Variants in FXR2 observed in about 807,000 individuals in gnomAD.
FXR2 encodes FMR1 autosomal homolog 2.
A neutral mutation model predicts 87.3 loss-of-function variants in FXR2; 9 were observed. That is an observed-to-expected ratio of 0.10 (90% CI 0.06 to 0.18). FXR2 has a LOEUF of 0.18. Among genes scored for constraint, FXR2 ranks in the 10% least tolerant of loss-of-function variants. The pLI is 1.00. For synonymous variants in FXR2, 331 were observed against 328.3 expected, an observed-to-expected ratio of 1.01 and a Z score of -0.09; for missense variants, 661 against 893.6, an observed-to-expected ratio of 0.74 and a Z score of 3.32.
chr17:7,603,056 T>C lies in FXR2; in HGVS notation c.450-54A>G, dbSNP rs2071772152. The C allele has an allele frequency of 8.0e-6, 7 of 870,548 alleles. 1 individual carries two copies. The South Asian group carries it at 8.6e-5, about 11-fold the overall frequency. The allele number at this position is 870,548 out of a possible 1,614,324, so 53.9% of individuals were successfully genotyped here. ...AGAATGCAGAGAGTACAGTGAAGAG[T>C]TCGGGGGAGGCTGGACATGGTGGTT... On this transcript the variant is annotated intron_variant, in intron 5 of 16. Transcript: ENST00000250113.
rs1219267566 is a variant in FXR2 at position 7,594,855 on chromosome 17, A to G, written c.832-98T>C. ...CCCAGCACTTTGGGAGGCTGGAGGC[A>G]GGTGGATAAATTGAGCTCAAGAGTT... On this transcript the variant is annotated intron_variant, in intron 8 of 16. Coordinates refer to ENST00000250113, the MANE Select transcript of FXR2 (RefSeq NM_004860.4). The surrounding 1 kb of genome is among the most constrained non-coding windows in gnomAD (Gnocchi z 5.1). 3 of 776,310 alleles carry G rather than the reference A, an allele frequency of 3.9e-6. No individual in the cohort carries two copies. The highest frequency in any genetic ancestry group is 7.0e-6 in the Non-Finnish European group (3 of 430,530). 48.1% of individuals were successfully genotyped at this position (776,310 alleles called of 1,614,324 possible). A position where few individuals can be genotyped will look rare whatever the true frequency, so the allele number is the denominator to read the frequency against.
At position 7,604,010 on chromosome 17, in the gene FXR2, T is replaced by A. The variant is rs746075298; in HGVS notation, c.299A>T (p.Asp100Val). The change falls in exon 4 of 17, where the codon GAT becomes GTT. Residue 100 changes from aspartate (D) to valine (V), a missense_variant and splice_region_variant. This residue lies in a region of FXR2 where 170 missense variants were observed against 247.2 expected (regional missense o/e 0.69). Transcript: ENST00000250113. ...CCAAAGGCATTCCCAGTCACTCACA[T>A]CTCCCTTCATCATCCGCACCCGGGC... ...WLARVRMMKG[D>V]FYVIEYAACD... is the part of the protein sequence containing the mutation. 6.3e-7 allele frequency: 1 copy of A among 1,592,958 alleles called. No individual in the cohort carries two copies. Among genetic ancestry groups the A allele is most frequent in the Non-Finnish European group, 8.5e-7 (1 of 1,170,520 alleles).
rs764414701 is a variant in FXR2 at position 7,595,863 on chromosome 17, C to A, written c.792G>T (p.Glu264Asp). Residue 264 changes from glutamate to aspartate, a missense_variant, in exon 8 of 17, where the codon GAG (glutamate) becomes GAT (aspartate). Physicochemically the swap from Glu to Asp is conservative, Grantham distance 45. Coordinates refer to ENST00000250113, the MANE Select transcript of FXR2 (RefSeq NM_004860.4). This position sits in a 1 kb window ranked among gnomAD's most constrained non-coding sequence, Gnocchi z 4.7. ...ARKVPGVTAI[E>D]LGEETCTFRI... is the part of the protein sequence containing the mutation. ...GGAAAGTGCAGGTCTCTTCACCCAA[C>A]TCAATGGCGGTCACCCCAGGTACTT... 4 of 1,613,964 alleles carry A rather than the reference C, an allele frequency of 2.5e-6. No homozygotes were observed. Among genetic ancestry groups the A allele is most frequent in the Non-Finnish European group, 3.4e-6 (4 of 1,179,884 alleles).
intron 3 of FXR2, among the ~76,000 whole-genome samples, chr17:7,604,389 A>ACCCCACTT (rs2071785086): frequency 6.6e-6 from 1 of 151,528 alleles, no homozygotes; most frequent in African/African-American, 2.4e-5. Context: ...ACACAGTGAG[A>ACCCCACTT]CCCCACTTCC....
At chr17:7,609,932 A>C (rs1005427922) in intron 1 of FXR2, among the ~76,000 whole-genome samples, 3 of 97,166 alleles carry the variant, frequency 3.1e-5, no homozygotes, top group African/African-American at 1.4e-4. Context: ...ATGTATATGT[A>C]TATATATACA....
rs887864886 is a variant in FXR2, at chr17:7,592,067, T to G, written c.1927-142A>C. ...CCCTGATCTCATGATCCAGTCTCTC[T>G]TACTTGGGATCCAGAAAATGTGAAC... On this transcript the variant is annotated intron_variant, in intron 16 of 16. Transcript: ENST00000250113. The surrounding 1 kb of genome is among the most constrained non-coding windows in gnomAD (Gnocchi z 4.8). 2.9e-6 allele frequency: 4 copies of G among 1,365,650 alleles called. No individual in the cohort carries two copies. The highest frequency in any genetic ancestry group is 3.9e-6 in the Non-Finnish European group (4 of 1,025,800). 84.6% of individuals were successfully genotyped at this position (1,365,650 alleles called of 1,614,324 possible). A position where few individuals can be genotyped will look rare whatever the true frequency, so the allele number is the denominator to read the frequency against.
In FXR2 at chr17:7,591,658, C is replaced by A; in HGVS notation, c.*172G>T. On this transcript the variant is annotated 3_prime_UTR_variant, in exon 17 of 17. Coordinates refer to ENST00000250113, the MANE Select transcript of FXR2 (RefSeq NM_004860.4). The surrounding 1 kb of genome is among the most constrained non-coding windows in gnomAD (Gnocchi z 4.0). ...GTGGACAAGAGGGAGGGGGTATGACCCTGTTACACACCCCTCCACTAGCTC... is the reference window on the plus strand; with the variant it reads ...GTGGACAAGAGGGAGGGGGTATGACACTGTTACACACCCCTCCACTAGCTC... The A allele has an allele frequency of 1.5e-6, 1 of 649,150 alleles. No individual in the cohort carries two copies. The highest frequency in any genetic ancestry group is 2.8e-6 in the Non-Finnish European group (1 of 356,210). 40.2% of individuals were successfully genotyped at this position (649,150 alleles called of 1,614,324 possible).
At position 7,601,134 on chromosome 17, in the gene FXR2, G is replaced by A. The variant is rs940388641; in HGVS notation, c.660+275C>T. Among the ~76,000 whole-genome samples, 9 of 150,988 alleles carry A rather than the reference G, an allele frequency of 6.0e-5. No homozygotes were observed. In the South Asian group the frequency reaches 1.5e-3, roughly 25 times the overall value. Reference sequence around the variant, plus strand: ...GCAGGGGTTGCAGTGAGCCGAGATCGTGTCATTGCACTCCAGCCTAGGCGA... The same window carrying A: ...GCAGGGGTTGCAGTGAGCCGAGATCATGTCATTGCACTCCAGCCTAGGCGA... On this transcript the variant is annotated intron_variant, in intron 7 of 16. Transcript: ENST00000250113.
In FXR2 at chr17:7,592,341, G is replaced by C; in HGVS notation, c.1839C>G (p.Asp613Glu). 1 of 1,611,572 alleles carries C rather than the reference G, an allele frequency of 6.2e-7. No individual in the cohort carries two copies. The highest frequency in any genetic ancestry group is 8.5e-7 in the Non-Finnish European group (1 of 1,177,666). The change falls in exon 16 of 17, where the codon GAC (aspartate) becomes GAG (glutamate). Residue 613 changes from aspartate (D) to glutamate (E), a missense_variant. By Grantham distance (45) the Asp-to-Glu change is conservative. Around this residue, in one of 3 missense-constraint regions of FXR2, gnomAD observed 409 missense variants for 432.0 expected, o/e 0.95. Transcript: ENST00000250113. This position sits in a 1 kb window ranked among gnomAD's most constrained non-coding sequence, Gnocchi z 4.8. ...TCTGAGACTCTGCTCGTGAGATATA[G>C]TCAGCCACAGTCACTGGGGAAGGCA... Reference protein sequence around the residue: ...SGDRQPVTVADYISRAESQSR... With the variant: ...SGDRQPVTVAEYISRAESQSR...
At chr17:7,600,095 A>C (rs2071741746) in intron 7 of FXR2, among the ~76,000 whole-genome samples, 2 of 151,160 alleles carry the variant, frequency 1.3e-5, no homozygotes, top group Admixed American at 1.3e-4. Context: ...ACGGGGTTTC[A>C]CCCATGTTGG....
chr17:7,601,051 C>T (rs139291476), intron 7 of FXR2, among the ~76,000 whole-genome samples: 2,083 of 147,568 alleles, frequency 0.014, 47 homozygotes, highest in African/African-American at 0.049. Context: ...TGGTGGCGCA[C>T]GCCTGTAATC....
chr17:7,609,223 A>G (rs1211397968), intron 1 of FXR2, among the ~76,000 whole-genome samples: 3 of 152,260 alleles, frequency 2.0e-5, no homozygotes, highest in African/African-American at 4.8e-5. Context: ...TTAGGAGAGA[A>G]AACACCAAAA....
Position 7,593,518 on chromosome 17 carries a change from G to A in FXR2, c.1215C>T (p.Asp405=), listed in dbSNP as rs747337779. 12 of 1,587,864 alleles carry A rather than the reference G, an allele frequency of 7.6e-6. No individual in the cohort carries two copies. The African/African-American group carries it at 1.3e-4, about 18-fold the overall frequency. ...PGSGRGSGGS[D]KAGYSTDESS... ...TCTCATCAGTGCTATATCCAGCCTT[G>A]TCGCTGCCACCGCTGCCCCGCCCAC... Residue 405 remains aspartate, a synonymous_variant, in exon 12 of 17, where the codon GAC becomes GAT. Transcript: ENST00000250113. The surrounding 1 kb of genome is among the most constrained non-coding windows in gnomAD (Gnocchi z 6.1).
At position 7,614,512 on chromosome 17, in the gene FXR2, C is replaced by A. The variant is rs746758914; in HGVS notation, c.21G>T (p.Gly7=). 1.9e-4 allele frequency: 294 copies of A among 1,515,616 alleles called. No homozygotes were observed. The highest frequency in any genetic ancestry group is 2.4e-4 in the Non-Finnish European group (271 of 1,135,294). The allele number at this position is 1,515,616 out of a possible 1,614,324, so 93.9% of individuals were successfully genotyped here. A position where few individuals can be genotyped will look rare whatever the true frequency, so the allele number is the denominator to read the frequency against. MGGLAS[G]GDVEPGLPVE... ...CGGGCAGTCCCGGCTCCACATCCCC[C>A]CCAGAGGCCAGGCCGCCCATGGCGC... Residue 7 remains glycine (G), a synonymous_variant, in exon 1 of 17, where the codon GGG becomes GGT. Transcript: ENST00000250113.
intron 1 of FXR2, among the ~76,000 whole-genome samples, chr17:7,609,941 CATGTATATGTATACATATATATACAT>C (rs1441846728): frequency 7.2e-6 from 1 of 139,460 alleles, no homozygotes; most frequent in East Asian, 2.1e-4. Context: ...TATATATATA[CATGTATATGTATACATATATATACAT>C]GTATATGTAT....
At chr17:7,610,009 TATATATACATGTATATGTATACATG>T (rs2071847016) in intron 1 of FXR2, among the ~76,000 whole-genome samples, 5 of 141,444 alleles carry the variant, frequency 3.5e-5, no homozygotes, top group South Asian at 2.2e-4. Context: ...TGTATACATA[TATATATACATGTATATGTATACATG>T]TATGTATATA....
In FXR2 at chr17:7,605,922, T is replaced by C. The variant is rs1465586430; in HGVS notation, c.134+175A>G. 10 of 644,124 alleles carry C rather than the reference T, an allele frequency of 1.6e-5. No individual in the cohort carries two copies. In the East Asian group the frequency reaches 2.2e-4, roughly 14 times the overall value. 39.9% of individuals were successfully genotyped at this position (644,124 alleles called of 1,614,324 possible). A position where few individuals can be genotyped will look rare whatever the true frequency, so the allele number is the denominator to read the frequency against. On this transcript the variant is annotated intron_variant, in intron 2 of 16. Coordinates refer to ENST00000250113, the MANE Select transcript of FXR2 (RefSeq NM_004860.4). The stretch of plus-strand genomic sequence containing the variant: ...TCTAGACTCTAAATACTGGGTCAAA[T>C]GCCCCCACCCTCACCAAATTCTCAG...
chr17:7,593,936 A>G lies in FXR2; in HGVS notation c.1089T>C (p.Tyr363=). Reference sequence around the variant, plus strand: ...TGGGTACCTGCAGGTAGGAGAGGTGATACTCCAGCAAAGCCTGGGCATTGC... The same window carrying G: ...TGGGTACCTGCAGGTAGGAGAGGTGGTACTCCAGCAAAGCCTGGGCATTGC... ...NISNAQALLE[Y]HLSYLQEVEQ... The change falls in exon 11 of 17, where the codon TAT becomes TAC. Residue 363 remains tyrosine (Y), a synonymous_variant. Coordinates refer to ENST00000250113, the MANE Select transcript of FXR2 (RefSeq NM_004860.4). The surrounding 1 kb of genome is among the most constrained non-coding windows in gnomAD (Gnocchi z 6.1). The G allele has an allele frequency of 6.2e-7, 1 of 1,608,896 alleles. No individual in the cohort carries two copies. Among genetic ancestry groups the G allele is most frequent in the Non-Finnish European group, 8.5e-7 (1 of 1,175,250 alleles).
chr17:7,606,226 C>T (rs2071801875), intron 1 of FXR2, 77 bp from the exon 2 acceptor site: 3 of 918,534 alleles, frequency 3.3e-6, no homozygotes, highest in East Asian at 2.6e-5. Context: ...GGGAATAAGA[C>T]ACCACAAAAC....
Sources: allele counts gnomAD v4.1 joint callset (sites outside exome capture counted in the v4.1 genomes callset), GRCh38; gene constraint gnomAD v4.1.1; regional missense constraint gnomAD v4.1.1; non-coding constraint Gnocchi (gnomAD v3.1); transcripts MANE v1.5; gene names NCBI Gene and HGNC (gene_info 2026-07-23, HGNC 2026-07-21).